Variants in CREB3L2 observed in about 807,000 individuals in gnomAD.
The protein encoded by CREB3L2 is cyclic AMP-responsive element-binding protein 3-like protein 2.
CREB3L2 carries 23 observed loss-of-function variants against 57.2 expected under a neutral mutation model. That is an observed-to-expected ratio of 0.40 (90% CI 0.29 to 0.57). The LOEUF (loss-of-function observed/expected upper bound fraction) is 0.57, where lower values mean the gene tolerates loss of function less well. Among genes scored for constraint, CREB3L2 ranks in the 20% least tolerant of loss-of-function variants. The pLI is 0.42. For missense variants in CREB3L2, 628 were observed against 634.7 expected (o/e 0.99, Z 0.11); for synonymous variants, 268 against 265.1 (o/e 1.01, Z -0.11).
chr7:137,894,506 T>A (rs1403852960), intron 8 of CREB3L2, among the ~76,000 whole-genome samples: 1 of 152,188 alleles, frequency 6.6e-6, no homozygotes, highest in East Asian at 1.9e-4. Context: ...TGTCTCTGTC[T>A]ACCCCATTGG....
In CREB3L2 at chr7:137,904,128, A is replaced by G. The variant is rs150793155; in HGVS notation, c.916-111T>C. On this transcript the variant is annotated intron_variant, in intron 6 of 11. Transcript: ENST00000330387. The stretch of plus-strand genomic sequence containing the variant: ...CACCAAAGCCCTGCTTACTTCTGCA[A>G]GCTGCTTGCCATTTGTTTAAGCTGC... 2.3e-4 allele frequency: 204 copies of G among 875,054 alleles called. No individual in the cohort carries two copies. In the African/African-American group the frequency reaches 2.7e-3, roughly 12 times the overall value. 54.2% of individuals were successfully genotyped at this position (875,054 alleles called of 1,614,324 possible). A position where few individuals can be genotyped will look rare whatever the true frequency, so the allele number is the denominator to read the frequency against.
At chr7:137,926,155 T>C (rs752737122) in intron 2 of CREB3L2, among the ~76,000 whole-genome samples, 2 of 152,170 alleles carry the variant, frequency 1.3e-5, no homozygotes, top group Non-Finnish European at 2.9e-5. Flanking sequence ...AGTTCAACCA[T>C]TGTGGAAGAC....
At chr7:137,901,268 C>T in intron 8 of CREB3L2, 86 bp downstream of exon 8, 1 of 897,958 alleles carries the variant, frequency 1.1e-6, no homozygotes, top group Non-Finnish European at 1.8e-6. Context: ...CTCCACTTTT[C>T]TGCCATCCCT....
chr7:137,879,036 C>T lies in CREB3L2; in HGVS notation c.*1440G>A, dbSNP rs1255733559. ...ATACAAACTCTATGCACATTTCCTA[C>T]ACAAAATCTTTCCCAAGCTCGGAAA... On this transcript the variant is annotated 3_prime_UTR_variant, in exon 12 of 12. Coordinates refer to ENST00000330387, the MANE Select transcript of CREB3L2 (RefSeq NM_194071.4). 6.9e-6 allele frequency: 3 copies of T among 435,474 alleles called. No homozygotes were observed. Among genetic ancestry groups the T allele is most frequent in the Non-Finnish European group, 1.3e-5 (3 of 232,224 alleles). The allele number at this position is 435,474 out of a possible 1,614,324, so 27.0% of individuals were successfully genotyped here.
At chr7:137,973,706 T>C (rs1801557432) in intron 1 of CREB3L2, among the ~76,000 whole-genome samples, 1 of 152,104 alleles carries the variant, frequency 6.6e-6, no homozygotes, top group Admixed American at 6.5e-5. Flanking sequence ...GCCATAGTTT[T>C]ACAACTCAGT....
At position 137,905,835 on chromosome 7, in the gene CREB3L2, G is replaced by A. The variant is rs774719575; in HGVS notation, c.782C>T (p.Ser261Leu). Residue 261 changes from serine to leucine, a missense_variant, in exon 6 of 12, where the codon TCA becomes TTA. Coordinates refer to ENST00000330387, the MANE Select transcript of CREB3L2 (RefSeq NM_194071.4). The part of the protein sequence containing the change: ...LLTAPHKLQG[S>L]GPLVLTEEEK... ...CTCCTCTGTCAGGACCAGAGGGCCT[G>A]ATCCCTGCAGTTTCTGTGCAGACCA... The A allele has an allele frequency of 1.9e-6, 3 of 1,611,696 alleles. No homozygotes were observed.
intron 1 of CREB3L2, among the ~76,000 whole-genome samples, chr7:137,970,611 A>G (rs967170804): frequency 6.6e-6 from 1 of 152,134 alleles, no homozygotes; most frequent in African/African-American, 2.4e-5. Flanking sequence ...TGGGGTGGGC[A>G]GGATCCAGGT....
chr7:137,944,976 T>C (rs1469333116), intron 1 of CREB3L2, among the ~76,000 whole-genome samples: 1 of 152,200 alleles, frequency 6.6e-6, no homozygotes, highest in African/African-American at 2.4e-5. Context: ...CACTGCAACC[T>C]CTGTCTCTCG....
At position 138,001,172 on chromosome 7, in the gene CREB3L2, G is replaced by A. The variant is rs1160346814; in HGVS notation, c.102+432C>T. Reference sequence around the variant, plus strand: ...ATATGAAAGAAGAGGAAGGGAGGGAGAGAGGGAGAGAGAATACGAGACAGA... The same window carrying A: ...ATATGAAAGAAGAGGAAGGGAGGGAAAGAGGGAGAGAGAATACGAGACAGA... On this transcript the variant is annotated intron_variant, in intron 1 of 11. Transcript: ENST00000330387. The surrounding 1 kb of genome is among the most constrained non-coding windows in gnomAD (Gnocchi z 4.2). Among the ~76,000 whole-genome samples the A allele has an allele frequency of 6.6e-6, 1 of 151,852 alleles. No individual in the cohort carries two copies. Among genetic ancestry groups the A allele is most frequent in the Non-Finnish European group, 1.5e-5 (1 of 67,990 alleles).
At chr7:137,903,868 G>A in intron 7 of CREB3L2, 91 bp downstream of exon 7, 3 of 1,109,082 alleles carry the variant, frequency 2.7e-6, no homozygotes, top group Non-Finnish European at 4.1e-6. Context: ...GCCAGAAAGA[G>A]GAATTGAACT....
chr7:137,962,792 C>T (rs1359328760), intron 1 of CREB3L2, among the ~76,000 whole-genome samples: 1 of 152,218 alleles, frequency 6.6e-6, no homozygotes, highest in Non-Finnish European at 1.5e-5. Context: ...TGATTCACTG[C>T]TACAACAGCA....
At position 137,947,672 on chromosome 7, in the gene CREB3L2, C is replaced by G. The variant is rs533830606; in HGVS notation, c.103-19306G>C. 2.0e-5 allele frequency among the ~76,000 whole-genome samples: 3 copies of G among 152,324 alleles called. No homozygotes were observed. The South Asian group carries it at 6.2e-4, about 32-fold the overall frequency. On this transcript the variant is annotated intron_variant, in intron 1 of 11. Transcript: ENST00000330387. ...TGCCCTGGCCTAAGTTTAGATAAAT[C>G]TCTTTATTCCTGATGGTCTAGCCAA...
chr7:138,000,336 G>A (rs1049527530), intron 1 of CREB3L2, among the ~76,000 whole-genome samples: 3 of 152,156 alleles, frequency 2.0e-5, no homozygotes, highest in Admixed American at 6.5e-5. Flanking sequence ...CCCAACCTCC[G>A]TGCTGCCCAC....
chr7:137,882,755 G>T (rs1016957290), intron 10 of CREB3L2, 127 bp from the exon 11 acceptor site: 2 of 587,622 alleles, frequency 3.4e-6, no homozygotes, highest in African/African-American at 3.7e-5. Flanking sequence ...CAGAACCATG[G>T]GTGCCAACAG....
intron 8 of CREB3L2, among the ~76,000 whole-genome samples, chr7:137,898,988 G>GA (rs1563243815): frequency 0.012 from 1,718 of 142,230 alleles, 72 homozygotes; most frequent in African/African-American, 0.047. Flanking sequence ...AGGAAGGAAG[G>GA]AGGGAGAAAG....
At chr7:137,997,052 G>A (rs1801999107) in intron 1 of CREB3L2, among the ~76,000 whole-genome samples, 1 of 152,132 alleles carries the variant, frequency 6.6e-6, no homozygotes, top group African/African-American at 2.4e-5. Flanking sequence ...TCCCCCTAAA[G>A]CCTCTTTCCA....
At chr7:137,931,541 A>C (rs975327242) in intron 1 of CREB3L2, among the ~76,000 whole-genome samples, 11 of 151,466 alleles carry the variant, frequency 7.3e-5, no homozygotes, top group Admixed American at 2.6e-4. Context: ...AAAAAAAAAA[A>C]AACTGGCCAG....
intron 6 of CREB3L2, among the ~76,000 whole-genome samples, chr7:137,904,616 A>T (rs189726662): frequency 9.8e-4 from 149 of 152,308 alleles, no homozygotes; most frequent in African/African-American, 3.4e-3. Context: ...GTGAGCTGAC[A>T]TTGTGCCACT....
chr7:137,998,070 T>G (rs1802018730), intron 1 of CREB3L2, among the ~76,000 whole-genome samples: 1 of 152,224 alleles, frequency 6.6e-6, no homozygotes, highest in Non-Finnish European at 1.5e-5. Flanking sequence ...AGCCCAGAGC[T>G]TTAGCAATTC....
Sources: gnomAD v4.1 joint callset for allele counts (sites outside exome capture counted in the v4.1 genomes callset) on GRCh38, gnomAD v4.1.1 for gene constraint, Gnocchi (gnomAD v3.1) non-coding constraint, MANE v1.5 for transcripts, NCBI Gene and HGNC (gene_info 2026-07-23, HGNC 2026-07-21) for gene names.